CRB1: variants seen among roughly 807,000 people sequenced by gnomAD.
The protein encoded by CRB1 is crumbs cell polarity complex component 1, also known as protein crumbs homolog 1.
Under a neutral mutation model 120.0 loss-of-function variants are expected in CRB1, and 83 were observed. The ratio of observed to expected loss-of-function variants is 0.69; its 90% confidence interval spans 0.58 to 0.83. The LOEUF (loss-of-function observed/expected upper bound fraction) is 0.83, where lower values mean the gene tolerates loss of function less well. CRB1 is among the 40% of genes least tolerant of loss of function. The probability of loss-of-function intolerance (pLI) is 0.00; values close to 1 mark genes in which losing one functional copy is unlikely to be tolerated. For missense variants in CRB1, 1,699 were observed against 1,687.6 expected, an observed-to-expected ratio of 1.01 and a Z score of -0.12; for synonymous variants, 625 against 612.5, an observed-to-expected ratio of 1.02 and a Z score of -0.30.
At chr1:197,234,807 G>T in the CRB1 span, among the ~76,000 whole-genome samples, 1 of 152,208 alleles carries the variant, frequency 6.6e-6, no homozygotes, top group Non-Finnish European at 1.5e-5. Flanking sequence ...AGTCCAATCT[G>T]ACAAAAATAG....
chr1:197,335,414 G>T (rs1352793557), intron 2 of CRB1, among the ~76,000 whole-genome samples: 1 of 152,242 alleles, frequency 6.6e-6, no homozygotes. Context: ...AAGTGTCTAA[G>T]GGAGGTTAAT....
intron 4 of CRB1, among the ~76,000 whole-genome samples, chr1:197,353,814 TAAAAAAAAAAAAA>T (rs57274486): frequency 1.1e-5 from 1 of 89,430 alleles, no homozygotes; most frequent in Admixed American, 1.2e-4. Context: ...AATATATAAA[TAAAAAAAAAAAAA>T]AAAAAAAAAA....
At chr1:197,367,944 T>C (rs946725306) in intron 5 of CRB1, among the ~76,000 whole-genome samples, 3 of 152,208 alleles carry the variant, frequency 2.0e-5, no homozygotes, top group Non-Finnish European at 2.9e-5. Flanking sequence ...CACACAGGGC[T>C]TTCGTTCTCA....
intron 1 of CRB1, among the ~76,000 whole-genome samples, chr1:197,299,392 A>G (rs1046951741): frequency 6.6e-6 from 1 of 152,152 alleles, no homozygotes; most frequent in Non-Finnish European, 1.5e-5. Flanking sequence ...TGACTCTTAC[A>G]TAGAACTAAT....
At chr1:197,438,779 G>C in intron 10 of CRB1, 104 bp downstream of exon 10, 5 of 1,408,918 alleles carry the variant, frequency 3.5e-6, no homozygotes, top group Non-Finnish European at 5.0e-6. Context: ...GTTCCCATAG[G>C]AAAATCTATG....
intron 5 of CRB1, among the ~76,000 whole-genome samples, chr1:197,401,671 T>G (rs1663070491): frequency 6.6e-6 from 1 of 152,156 alleles, no homozygotes; most frequent in African/African-American, 2.4e-5. Context: ...CCACTAATAT[T>G]TGATAATGTA....
intron 1 of CRB1, among the ~76,000 whole-genome samples, chr1:197,327,811 C>T (rs765743144): frequency 1.3e-5 from 2 of 152,162 alleles, no homozygotes; most frequent in Non-Finnish European, 2.9e-5. Context: ...CTCCAAGGGA[C>T]CTTCCCTGCT....
the CRB1 span, among the ~76,000 whole-genome samples, chr1:197,215,623 A>T: frequency 4.6e-5 from 7 of 152,116 alleles, no homozygotes; most frequent in Non-Finnish European, 8.8e-5. Flanking sequence ...TGTTTTCCTG[A>T]TAGTGAATGA....
the CRB1 span, among the ~76,000 whole-genome samples, chr1:197,210,527 G>T: frequency 6.6e-6 from 1 of 151,956 alleles, no homozygotes; most frequent in Admixed American, 6.6e-5. Flanking sequence ...CTGTGGACCT[G>T]TCCCACAGAT....
chr1:197,296,167 T>C (rs1656504995), intron 1 of CRB1, among the ~76,000 whole-genome samples: 1 of 152,066 alleles, frequency 6.6e-6, no homozygotes, highest in Admixed American at 6.6e-5. Flanking sequence ...ATGTTCATAG[T>C]ATATTAACAA....
At chr1:197,243,108 T>A in the CRB1 span, among the ~76,000 whole-genome samples, 1 of 152,030 alleles carries the variant, frequency 6.6e-6, no homozygotes, top group African/African-American at 2.4e-5. Context: ...ATTTTGTTAA[T>A]CTTTTTAAAA....
intron 11 of CRB1, among the ~76,000 whole-genome samples, chr1:197,476,940 T>C (rs1296378890): frequency 6.6e-6 from 1 of 152,198 alleles, no homozygotes; most frequent in Non-Finnish European, 1.5e-5. Flanking sequence ...TAAAAAGTGT[T>C]TGCAAACACA....
At chr1:197,352,761 T>C (rs908890779) in intron 4 of CRB1, among the ~76,000 whole-genome samples, 2 of 152,004 alleles carry the variant, frequency 1.3e-5, no homozygotes, top group Non-Finnish European at 2.9e-5. Flanking sequence ...AAGGGTCTTT[T>C]TGTAAAAAAT....
At chr1:197,436,221 C>A (rs894761187) in intron 9 of CRB1, among the ~76,000 whole-genome samples, 1 of 152,058 alleles carries the variant, frequency 6.6e-6, no homozygotes. Flanking sequence ...ATTCTGTCTT[C>A]TTACTATAAA....
intron 1 of CRB1, among the ~76,000 whole-genome samples, chr1:197,292,814 T>G (rs1489592008): frequency 2.0e-5 from 3 of 152,092 alleles, no homozygotes; most frequent in African/African-American, 7.2e-5. Flanking sequence ...AAAAACCACT[T>G]GATTATCTCA....
At chr1:197,262,614 G>T in the CRB1 span, among the ~76,000 whole-genome samples, 2 of 152,090 alleles carry the variant, frequency 1.3e-5, no homozygotes, top group Non-Finnish European at 2.9e-5. Context: ...GAGGTTTGAG[G>T]TATGAATGAT....
intron 1 of CRB1, among the ~76,000 whole-genome samples, chr1:197,287,574 T>C (rs1349360493): frequency 6.6e-6 from 1 of 151,744 alleles, no homozygotes; most frequent in African/African-American, 2.4e-5. Context: ...CACAGCAGCA[T>C]GGAGGCTCTG....
At chr1:197,255,336 C>T in the CRB1 span, among the ~76,000 whole-genome samples, 1 of 152,070 alleles carries the variant, frequency 6.6e-6, no homozygotes, top group East Asian at 1.9e-4. Context: ...TGACTCCACA[C>T]CACCATAGTT....
the CRB1 span, among the ~76,000 whole-genome samples, chr1:197,252,580 ATATGTG>A: frequency 3.1e-4 from 7 of 22,322 alleles, no homozygotes; most frequent in Admixed American, 6.0e-4. Flanking sequence ...ATATATATAT[ATATGTG>A]TGTGTGTGTG....
Sources: allele counts gnomAD v4.1 joint callset (sites outside exome capture counted in the v4.1 genomes callset), GRCh38; gene constraint gnomAD v4.1.1; transcripts MANE v1.5; gene names NCBI Gene and HGNC (gene_info 2026-07-23, HGNC 2026-07-21).